CSMD1: variants seen among roughly 807,000 people sequenced by gnomAD.
The protein encoded by CSMD1 is CUB and Sushi multiple domains 1, also known as CUB and sushi domain-containing protein 1.
A neutral mutation model predicts 417.5 loss-of-function variants in CSMD1; 213 were observed. That is an observed-to-expected ratio of 0.51 (90% CI 0.46 to 0.57). The LOEUF is 0.57. Ranked by LOEUF, CSMD1 falls within the 20% of genes least tolerant of loss-of-function variation. The pLI is 0.00. For missense variants in CSMD1, 6,923 were observed against 4,529.7 expected (o/e 1.53, Z -15.17); for synonymous variants, 2,862 against 1,736.8 (o/e 1.65, Z -16.11).
At chr8:4,576,068 A>C (rs1799122414) in intron 2 of CSMD1, among the ~76,000 whole-genome samples, 1 of 152,216 alleles carries the variant, frequency 6.6e-6, no homozygotes, top group Non-Finnish European at 1.5e-5. Flanking sequence ...TTCTCTCACC[A>C]GTGCTCCACA....
At chr8:2,960,599 C>T (rs1012960523) in intron 62 of CSMD1, among the ~76,000 whole-genome samples, 4 of 152,020 alleles carry the variant, frequency 2.6e-5, no homozygotes, top group African/African-American at 4.8e-5. Flanking sequence ...GTCAAATGAA[C>T]GTTCCAAAAT....
chr8:4,977,352 C>T (rs531858225), intron 1 of CSMD1, among the ~76,000 whole-genome samples: 1 of 152,240 alleles, frequency 6.6e-6, no homozygotes, highest in South Asian at 2.1e-4. Flanking sequence ...GCAGCACTTA[C>T]CCCAGGCCCA....
At chr8:4,634,492 T>C (rs1383530825) in intron 2 of CSMD1, among the ~76,000 whole-genome samples, 2 of 152,170 alleles carry the variant, frequency 1.3e-5, no homozygotes, top group Non-Finnish European at 2.9e-5. Flanking sequence ...ATTTTAAACT[T>C]CTAAAAATAG....
chr8:4,560,338 T>A (rs905741959), intron 2 of CSMD1, among the ~76,000 whole-genome samples: 1 of 152,218 alleles, frequency 6.6e-6, no homozygotes, highest in Non-Finnish European at 1.5e-5. Context: ...CGTGGTCTCC[T>A]ACATGTGTTG....
At chr8:3,881,078 CTGAA>C (rs1342662914) in intron 5 of CSMD1, among the ~76,000 whole-genome samples, 1 of 152,028 alleles carries the variant, frequency 6.6e-6, no homozygotes, top group African/African-American at 2.4e-5. Context: ...ATATAAAAAA[CTGAA>C]TGCACGAAAT....
intron 3 of CSMD1, among the ~76,000 whole-genome samples, chr8:4,055,784 T>G (rs1798659576): frequency 6.6e-6 from 1 of 152,116 alleles, no homozygotes; most frequent in African/African-American, 2.4e-5. Context: ...AACAAGACTC[T>G]TCAGCACTTC....
chr8:3,966,732 G>GACACACACACACACAC (rs34929035), intron 5 of CSMD1, among the ~76,000 whole-genome samples: 1 of 149,022 alleles, frequency 6.7e-6, no homozygotes, highest in African/African-American at 2.5e-5. Context: ...CACACACACA[G>GACACACACACACACAC]ACACACACAC....
chr8:3,860,218 G>A (rs906443087), intron 5 of CSMD1, among the ~76,000 whole-genome samples: 1 of 152,134 alleles, frequency 6.6e-6, no homozygotes, highest in African/African-American at 2.4e-5. Flanking sequence ...ACAGCACCAG[G>A]TCGTGTTCTC....
At chr8:3,535,942 C>T (rs947638897) in intron 10 of CSMD1, among the ~76,000 whole-genome samples, 2 of 152,136 alleles carry the variant, frequency 1.3e-5, no homozygotes, top group Admixed American at 1.3e-4. Context: ...GAGAAGCCCC[C>T]ACCAGTCGGT....
At position 3,951,401 on chromosome 8, in the gene CSMD1, T is replaced by C. The variant is rs76491798; in HGVS notation, c.818+46502A>G. The stretch of plus-strand genomic sequence containing the variant: ...GTTAATTAAATGAATGCAAAAGGCA[T>C]TTGGGGCAGAATGTAACTTAAACTC... On this transcript the variant is annotated intron_variant, in intron 5 of 69. Transcript: ENST00000635120. 3.2e-3 allele frequency among the ~76,000 whole-genome samples: 494 copies of C among 152,290 alleles called. 6 individuals are homozygous for C. Among genetic ancestry groups the C allele is most frequent in the African/African-American group, 0.011 (475 of 41,556 alleles).
At chr8:4,800,041 T>C (rs990832118) in intron 1 of CSMD1, among the ~76,000 whole-genome samples, 1 of 152,196 alleles carries the variant, frequency 6.6e-6, no homozygotes, top group African/African-American at 2.4e-5. Context: ...TTAATTACTG[T>C]TACTATTACA....
chr8:3,497,313 C>A (rs1272314472), intron 10 of CSMD1, among the ~76,000 whole-genome samples: 1 of 152,120 alleles, frequency 6.6e-6, no homozygotes, highest in Non-Finnish European at 1.5e-5. Context: ...CTTTATATAT[C>A]TGGGGTCTCT....
chr8:3,709,680 G>GGCTTTTTTTTTTTTTTTTTTT (rs1554518393), intron 6 of CSMD1, among the ~76,000 whole-genome samples: 17 of 33,698 alleles, frequency 5.0e-4, no homozygotes, highest in African/African-American at 1.2e-3. Context: ...GCAGCAGCAT[G>GGCTTTTTTTTTTTTTTTTTTT]TTTTTTTTTT....
At chr8:4,107,467 T>C (rs1288163122) in intron 3 of CSMD1, among the ~76,000 whole-genome samples, 2 of 152,226 alleles carry the variant, frequency 1.3e-5, no homozygotes, top group Non-Finnish European at 2.9e-5. Context: ...TGGATAATGA[T>C]TACAAGTGAA....
intron 5 of CSMD1, among the ~76,000 whole-genome samples, chr8:3,781,649 T>C (rs1014073151): frequency 6.6e-6 from 1 of 152,174 alleles, no homozygotes. Context: ...ATTGTCCCTG[T>C]GATGTGAATG....
intron 3 of CSMD1, among the ~76,000 whole-genome samples, chr8:4,278,638 T>C (rs1175850542): frequency 3.3e-5 from 5 of 152,184 alleles, no homozygotes; most frequent in Non-Finnish European, 7.4e-5. Flanking sequence ...TAGCTACGAA[T>C]TCAACATAAA....
At chr8:3,807,855 C>A (rs891996575) in intron 5 of CSMD1, among the ~76,000 whole-genome samples, 2 of 152,232 alleles carry the variant, frequency 1.3e-5, no homozygotes, top group South Asian at 4.1e-4. Flanking sequence ...TGACTGTGCT[C>A]CCTTGGGGTA....
chr8:4,097,776 CA>C (rs1161226436), intron 3 of CSMD1, among the ~76,000 whole-genome samples: 1 of 152,108 alleles, frequency 6.6e-6, no homozygotes, highest in African/African-American at 2.4e-5. Flanking sequence ...TAAGTACGAA[CA>C]TTAGTTTTAG....
intron 6 of CSMD1, among the ~76,000 whole-genome samples, chr8:3,718,599 T>C (rs545338758): frequency 1.3e-5 from 2 of 152,298 alleles, no homozygotes; most frequent in East Asian, 1.9e-4. Context: ...AAATGTCTCA[T>C]ATATGAAGTT....
Sources: gnomAD v4.1 joint callset for allele counts (sites outside exome capture counted in the v4.1 genomes callset) on GRCh38, gnomAD v4.1.1 for gene constraint, MANE v1.5 for transcripts, NCBI Gene and HGNC (gene_info 2026-07-23, HGNC 2026-07-21) for gene names.